UPK3BL1: variants seen among roughly 807,000 people sequenced by gnomAD.
UPK3BL1 encodes uroplakin-3b-like protein 1.
In UPK3BL1 at chr7:102,642,109, GAAAAAA is replaced by G. The variant is rs775435358; in HGVS notation, c.112+515_112+520del. Among the ~76,000 whole-genome samples, 37 of 4,836 alleles carry G rather than the reference GAAAAAA, an allele frequency of 7.7e-3. 1 individual carries two copies. Among genetic ancestry groups the G allele is most frequent in the Middle Eastern group, 0.1 (1 of 10 alleles). 3.2% of individuals were successfully genotyped at this position (4,836 alleles called of 152,430 possible). ...GGGTGACAGTGGGAGACTCTGTCTC[GAAAAAA>G]AAAAAAAAAGAAAGAAAAAAAAGAA... On this transcript the variant is annotated intron_variant, in intron 1 of 5. Coordinates refer to ENST00000340457, the MANE Select transcript of UPK3BL1 (RefSeq NM_001114403.3).
intron 5 of UPK3BL1, among the ~76,000 whole-genome samples, chr7:102,638,335 GT>G (rs1407689394): frequency 6.7e-6 from 1 of 149,272 alleles, no homozygotes; most frequent in Non-Finnish European, 1.5e-5. Flanking sequence ...CTAATTTTTT[GT>G]ATTTTTAGTA....
chr7:102,637,408 TAAAGA>T lies in UPK3BL1; in HGVS notation c.*112_*116del, dbSNP rs1791422609. On this transcript the variant is annotated 3_prime_UTR_variant, in exon 6 of 6. Transcript: ENST00000340457. ...CTCAAAAAAAAAAAAAAAAAAATAGTAAAGAAAAGAAACAATCTCTCTCAGGGTCC... is the reference window on the plus strand; with the variant it reads ...CTCAAAAAAAAAAAAAAAAAAATAGTAAAGAAACAATCTCTCTCAGGGTCC... 2.4e-6 allele frequency: 1 copy of T among 412,978 alleles called. No homozygotes were observed. The highest frequency in any genetic ancestry group is 4.1e-5 in the Admixed American group (1 of 24,554). The allele number at this position is 412,978 out of a possible 1,614,324, so 25.6% of individuals were successfully genotyped here. A position where few individuals can be genotyped will look rare whatever the true frequency, so the allele number is the denominator to read the frequency against.
Position 102,640,595 on chromosome 7 carries a change from GC to G in UPK3BL1, c.274+16del, listed in dbSNP as rs1215504546. 5 of 68,360 alleles carry G rather than the reference GC, an allele frequency of 7.3e-5. No homozygotes were observed. The highest frequency in any genetic ancestry group is 3.5e-4 in the Admixed American group (1 of 2,880). 4.2% of individuals were successfully genotyped at this position (68,360 alleles called of 1,614,324 possible). A position where few individuals can be genotyped will look rare whatever the true frequency, so the allele number is the denominator to read the frequency against. ...TTCACATAGGGAAAACCGAAGCCTG[GC>G]CCCAGCAGCACCCACCGTTGCTGAG... is the stretch of plus-strand genomic sequence containing the variant. On this transcript the variant is annotated intron_variant, in intron 2 of 5. Coordinates refer to ENST00000340457, the MANE Select transcript of UPK3BL1 (RefSeq NM_001114403.3).
intron 5 of UPK3BL1, among the ~76,000 whole-genome samples, chr7:102,637,998 TG>T (rs1158478864): frequency 6.5e-5 from 1 of 15,366 alleles, no homozygotes. Context: ...GCACCCCTCC[TG>T]CCCCTCCTGC....
chr7:102,638,168 CCT>C (rs1491309222), intron 5 of UPK3BL1, among the ~76,000 whole-genome samples: 5 of 147,372 alleles, frequency 3.4e-5, no homozygotes, highest in Admixed American at 6.8e-5. Flanking sequence ...GACACCCCCC[CCT>C]TTTTTTTTTT....
Position 102,638,173 on chromosome 7 carries a change from T to TA in UPK3BL1, c.683+540_684-540insT, listed in dbSNP as rs1292173602. Among the ~76,000 whole-genome samples, 943 of 147,888 alleles carry TA rather than the reference T, an allele frequency of 6.4e-3. 1 individual carries two copies. Among genetic ancestry groups the TA allele is most frequent in the African/African-American group, 0.023 (882 of 39,074 alleles). ...ATGAAATCCTGACACCCCCCCCTTTTTTTTTTTAAATGGAGTCTCACTCTG... is the reference window on the plus strand; with the variant it reads ...ATGAAATCCTGACACCCCCCCCTTTTATTTTTTTAAATGGAGTCTCACTCTG... On this transcript the variant is annotated intron_variant, in intron 5 of 5. Transcript: ENST00000340457.
rs1213089371 is a variant in UPK3BL1 at position 102,637,260 on chromosome 7, G to A, written c.*265C>T. On this transcript the variant is annotated 3_prime_UTR_variant, in exon 6 of 6. Transcript: ENST00000340457. ...AAAAATACAAAAATGAGCTGGGCATGGTGGCGTGTGCCTGTAGTCCCAGCT... is the reference window on the plus strand; with the variant it reads ...AAAAATACAAAAATGAGCTGGGCATAGTGGCGTGTGCCTGTAGTCCCAGCT... 1 of 461,050 alleles carries A rather than the reference G, an allele frequency of 2.2e-6. No homozygotes were observed. The highest frequency in any genetic ancestry group is 3.8e-5 in the East Asian group (1 of 26,296). The allele number at this position is 461,050 out of a possible 1,614,324, so 28.6% of individuals were successfully genotyped here.
In UPK3BL1 at chr7:102,637,374, A is replaced by T. The variant is rs1791419990; in HGVS notation, c.*151T>A. 2.3e-6 allele frequency: 1 copy of T among 435,134 alleles called. No homozygotes were observed. The highest frequency in any genetic ancestry group is 4.2e-6 in the Non-Finnish European group (1 of 237,358). The allele number at this position is 435,134 out of a possible 1,614,324, so 27.0% of individuals were successfully genotyped here. On this transcript the variant is annotated 3_prime_UTR_variant, in exon 6 of 6. Transcript: ENST00000340457. ...ATCGCGCCAGCCTGGCGACAGAGTG[A>T]GACTCCGTCTCAAAAAAAAAAAAAA...
intron 3 of UPK3BL1, among the ~76,000 whole-genome samples, chr7:102,639,474 G>GT (rs1791497170): frequency 8.4e-6 from 1 of 119,348 alleles, no homozygotes; most frequent in African/African-American, 2.9e-5. Flanking sequence ...CTGAACATGC[G>GT]TGAATCAAGC....
At chr7:102,638,169 C>CT (rs201457495) in intron 5 of UPK3BL1, among the ~76,000 whole-genome samples, 380 of 135,418 alleles carry the variant, frequency 2.8e-3, no homozygotes, top group African/African-American at 9.5e-3. Flanking sequence ...ACACCCCCCC[C>CT]TTTTTTTTTT....
intron 4 of UPK3BL1, 117 bp from the exon 5 acceptor site, chr7:102,638,951 A>C: frequency 1.3e-6 from 2 of 1,520,684 alleles, no homozygotes; most frequent in Non-Finnish European, 1.8e-6. Context: ...ACTACCACCC[A>C]GGCCTGGGGG....
intron 1 of UPK3BL1, among the ~76,000 whole-genome samples, chr7:102,641,832 C>T (rs1201659961): frequency 3.7e-5 from 3 of 80,418 alleles, no homozygotes; most frequent in Non-Finnish European, 6.2e-5. Flanking sequence ...AAGTGGAGGC[C>T]GGGCGCGGTG....
rs563492830 is a variant in UPK3BL1 at position 102,637,063 on chromosome 7, C to G, written c.*462G>C. 8.4e-4 allele frequency: 141 copies of G among 168,400 alleles called. No homozygotes were observed. The highest frequency in any genetic ancestry group is 3.3e-3 in the African/African-American group (135 of 41,018). 10.4% of individuals were successfully genotyped at this position (168,400 alleles called of 1,614,324 possible). On this transcript the variant is annotated 3_prime_UTR_variant, in exon 6 of 6. Coordinates refer to ENST00000340457, the MANE Select transcript of UPK3BL1 (RefSeq NM_001114403.3). ...CATTTATTTCCGATAGAGACTGGCA[C>G]AAGCTTTGGGCTAAGGACACCCGCC...
chr7:102,639,004 G>C, intron 4 of UPK3BL1, 119 bp downstream of exon 4: 1 of 1,541,894 alleles, frequency 6.5e-7, no homozygotes, highest in African/African-American at 1.4e-5. Flanking sequence ...TTGCAAGATG[G>C]TTGGCTGCCT....
chr7:102,638,243 C>T (rs1791448911), intron 5 of UPK3BL1, among the ~76,000 whole-genome samples: 1 of 152,294 alleles, frequency 6.6e-6, no homozygotes, highest in South Asian at 2.1e-4. Context: ...CTCACTGCAA[C>T]CTCCACCTCC....
chr7:102,638,920 A>G (rs1791476901), intron 4 of UPK3BL1, 86 bp from the exon 5 acceptor site: 1 of 1,309,350 alleles, frequency 7.6e-7, no homozygotes, highest in Non-Finnish European at 1.0e-6. Context: ...AATCCAGACC[A>G]ATCACCGCCC....
chr7:102,637,270 G>GAT lies in UPK3BL1; in HGVS notation c.*254_*255insAT. The GAT allele has an allele frequency of 2.2e-6, 1 of 453,070 alleles. No homozygotes were observed. The highest frequency in any genetic ancestry group is 4.0e-6 in the Non-Finnish European group (1 of 247,656). 28.1% of individuals were successfully genotyped at this position (453,070 alleles called of 1,614,324 possible). The stretch of plus-strand genomic sequence containing the variant: ...AAATGAGCTGGGCATGGTGGCGTGT[G>GAT]CCTGTAGTCCCAGCTACTCAGGAGG... On this transcript the variant is annotated 3_prime_UTR_variant, in exon 6 of 6. Coordinates refer to ENST00000340457, the MANE Select transcript of UPK3BL1 (RefSeq NM_001114403.3).
chr7:102,639,005 T>C, intron 4 of UPK3BL1, 118 bp downstream of exon 4: 1 of 1,541,736 alleles, frequency 6.5e-7, no homozygotes, highest in South Asian at 1.2e-5. Context: ...TGCAAGATGG[T>C]TGGCTGCCTC....
chr7:102,639,026 G>C (rs1791481125), intron 4 of UPK3BL1, 97 bp downstream of exon 4: 2 of 1,535,430 alleles, frequency 1.3e-6, no homozygotes, highest in Non-Finnish European at 1.8e-6. Flanking sequence ...TGACTCAGTG[G>C]TGAGCTGACC....
Sources: gnomAD v4.1 joint callset for allele counts (sites outside exome capture counted in the v4.1 genomes callset) on GRCh38, gnomAD v4.1.1 for gene constraint, MANE v1.5 for transcripts, NCBI Gene and HGNC (gene_info 2026-07-23, HGNC 2026-07-21) for gene names.